Variants in COL22A1 observed in about 807,000 individuals in gnomAD.
COL22A1 encodes collagen alpha-1(XXII) chain.
Under a neutral mutation model 248.9 loss-of-function variants are expected in COL22A1, and 221 were observed. That is an observed-to-expected ratio of 0.89 (90% CI 0.80 to 0.99). The LOEUF (loss-of-function observed/expected upper bound fraction) is 0.99, where lower values mean the gene tolerates loss of function less well. Ranked by LOEUF, COL22A1 falls within the 50% of genes least tolerant of loss-of-function variation. The probability of loss-of-function intolerance (pLI) is 0.00; values close to 1 mark genes in which losing one functional copy is unlikely to be tolerated. For missense variants in COL22A1, 2,240 were observed against 2,179.0 expected (o/e 1.03, Z -0.56); for synonymous variants, 891 against 793.4 (o/e 1.12, Z -2.07).
chr8:138,638,731 T>C (rs147306796), intron 47 of COL22A1, among the ~76,000 whole-genome samples: 475 of 152,370 alleles, frequency 3.1e-3, no homozygotes, highest in African/African-American at 0.01. Context: ...TCACACCCTC[T>C]GCAGATCATG....
chr8:138,784,473 C>G (rs1429831912), intron 12 of COL22A1, among the ~76,000 whole-genome samples: 3 of 152,162 alleles, frequency 2.0e-5, no homozygotes, highest in African/African-American at 7.2e-5. Context: ...GCCACCTCCC[C>G]TCCCCTTGAG....
rs372942802 is a variant in COL22A1, at chr8:138,589,274, C to T, written c.4860G>A (p.Pro1620=). ...TCCTTTAGGGACCCTTCACATTACC[C>T]GGCCGGGCAGCAAGGCTGGCGAAGT... ...CAYFASLAAR[P]GNVKGP is the part of the protein sequence containing the mutation. The change falls in exon 65 of 65, where the codon CCG becomes CCA. Residue 1620 remains proline (P), a synonymous_variant. Transcript: ENST00000303045. 17 of 1,613,738 alleles carry T rather than the reference C, an allele frequency of 1.1e-5. No individual in the cohort carries two copies. The highest frequency in any genetic ancestry group is 4.0e-5 in the African/African-American group (3 of 74,908).
intron 16 of COL22A1, among the ~76,000 whole-genome samples, chr8:138,766,091 G>C (rs965200213): frequency 2.6e-5 from 4 of 152,198 alleles, no homozygotes; most frequent in African/African-American, 4.8e-5. Context: ...TGTGACATTT[G>C]GCATAGATGT....
intron 39 of COL22A1, among the ~76,000 whole-genome samples, chr8:138,684,031 G>A (rs1228107043): frequency 6.6e-6 from 1 of 152,094 alleles, no homozygotes; most frequent in Non-Finnish European, 1.5e-5. Context: ...GGAGGCCGAG[G>A]CAGGTATTAC....
chr8:138,593,704 C>T (rs1271949790), intron 63 of COL22A1, among the ~76,000 whole-genome samples: 2 of 152,100 alleles, frequency 1.3e-5, no homozygotes, highest in Admixed American at 1.3e-4. Flanking sequence ...TTCCTCAGTG[C>T]TAAACTCAGT....
intron 52 of COL22A1, among the ~76,000 whole-genome samples, chr8:138,620,965 C>T (rs1433749463): frequency 1.0e-5 from 1 of 98,192 alleles, no homozygotes; most frequent in Non-Finnish European, 2.6e-5. Flanking sequence ...ATCCATCCAT[C>T]CATCCATCCA....
intron 63 of COL22A1, among the ~76,000 whole-genome samples, chr8:138,593,639 GT>G (rs1052330285): frequency 2.0e-5 from 3 of 152,040 alleles, no homozygotes; most frequent in Non-Finnish European, 2.9e-5. Flanking sequence ...GTTAACAGCT[GT>G]TTTGTTCCAA....
At chr8:138,737,392 G>A in intron 23 of COL22A1, 132 bp downstream of exon 23, 1 of 676,270 alleles carries the variant, frequency 1.5e-6, no homozygotes, top group Non-Finnish European at 2.7e-6. Flanking sequence ...GTGACCCACT[G>A]GCTGTTCTTT....
intron 55 of COL22A1, among the ~76,000 whole-genome samples, chr8:138,614,267 G>A (rs1249621436): frequency 1.3e-5 from 2 of 152,126 alleles, no homozygotes; most frequent in African/African-American, 2.4e-5. Context: ...GCTAGACGGT[G>A]ACCTGGAACC....
chr8:138,636,430 G>GA (rs1044522734), intron 48 of COL22A1, among the ~76,000 whole-genome samples: 94 of 138,890 alleles, frequency 6.8e-4, no homozygotes, highest in African/African-American at 2.3e-3. Flanking sequence ...CCATTTCAGT[G>GA]AAAAAAAAAG....
chr8:138,813,160 T>C, intron 7 of COL22A1, 141 bp from the exon 8 acceptor site: 1 of 652,748 alleles, frequency 1.5e-6, no homozygotes, highest in Non-Finnish European at 2.8e-6. Context: ...AGGATACCCC[T>C]ATCCTGGGCT....
intron 1 of COL22A1, among the ~76,000 whole-genome samples, chr8:138,905,272 C>T (rs1204080181): frequency 1.3e-5 from 2 of 152,182 alleles, no homozygotes; most frequent in Non-Finnish European, 2.9e-5. Context: ...AGCCCATGCT[C>T]GAATTCCCTC....
intron 18 of COL22A1, among the ~76,000 whole-genome samples, chr8:138,757,002 T>A (rs779504910): frequency 4.6e-5 from 7 of 152,190 alleles, no homozygotes; most frequent in African/African-American, 9.7e-5. Context: ...CGCTTCTCTA[T>A]TCTGTTTTAT....
At chr8:138,836,446 T>C (rs1820437370) in intron 4 of COL22A1, among the ~76,000 whole-genome samples, 1 of 152,216 alleles carries the variant, frequency 6.6e-6, no homozygotes, top group Non-Finnish European at 1.5e-5. Flanking sequence ...AAAATCACTT[T>C]GAGTTTTAAA....
intron 4 of COL22A1, among the ~76,000 whole-genome samples, chr8:138,835,106 G>C (rs965074261): frequency 6.6e-6 from 1 of 152,184 alleles, no homozygotes; most frequent in Non-Finnish European, 1.5e-5. Flanking sequence ...TGGGAAGGGG[G>C]TTCTGAGCAG....
chr8:138,613,846 T>C (rs754341500), intron 56 of COL22A1, 21 bp downstream of exon 56: 2 of 1,608,460 alleles, frequency 1.2e-6, no homozygotes, highest in Non-Finnish European at 1.7e-6. Flanking sequence ...TGAAGCACAT[T>C]AGTCGCAAAG....
chr8:138,706,377 A>G (rs1303258899), intron 30 of COL22A1, among the ~76,000 whole-genome samples: 1 of 152,236 alleles, frequency 6.6e-6, no homozygotes, highest in Non-Finnish European at 1.5e-5. Flanking sequence ...AATTGGCCAC[A>G]TAGTTGGAAG....
chr8:138,856,525 CAAGAGA>C (rs1822023348), intron 3 of COL22A1, among the ~76,000 whole-genome samples: 1 of 140,202 alleles, frequency 7.1e-6, no homozygotes, highest in African/African-American at 2.7e-5. Context: ...GCAGAGAAAG[CAAGAGA>C]AAGAGAGACA....
At chr8:138,771,317 T>G (rs980333616) in intron 16 of COL22A1, among the ~76,000 whole-genome samples, 4 of 152,206 alleles carry the variant, frequency 2.6e-5, no homozygotes, top group Admixed American at 6.5e-5. Flanking sequence ...CTTTCTGACC[T>G]TCGGGCCTGG....
Sources: gnomAD v4.1 joint callset for allele counts (sites outside exome capture counted in the v4.1 genomes callset) on GRCh38, gnomAD v4.1.1 for gene constraint, MANE v1.5 for transcripts, NCBI Gene and HGNC (gene_info 2026-07-23, HGNC 2026-07-21) for gene names.